FREM3: variants seen among roughly 807,000 people sequenced by gnomAD.
FREM3 encodes FRAS1 related extracellular matrix 3, also known as FRAS1-related extracellular matrix protein 3.
Under a neutral mutation model 129.1 loss-of-function variants are expected in FREM3, and 105 were observed. The observed-to-expected ratio is 0.81, with a 90% CI of 0.69 to 0.96. The LOEUF (loss-of-function observed/expected upper bound fraction) is 0.96. Ranked by LOEUF, FREM3 falls within the 40% of genes least tolerant of loss-of-function variation. The pLI, the probability that FREM3 is intolerant of heterozygous loss-of-function variation, is 0.00. For missense variants in FREM3, 2,593 were observed against 2,666.3 expected (o/e 0.97, Z 0.61); for synonymous variants, 1,014 against 1,044.9 (o/e 0.97, Z 0.57).
At chr4:143,638,948 A>AACTTAGTCGATC (rs1441310566) in intron 2 of FREM3, among the ~76,000 whole-genome samples, 1 of 152,048 alleles carries the variant, frequency 6.6e-6, no homozygotes, top group Non-Finnish European at 1.5e-5. Context: ...CGATCTTGTG[A>AACTTAGTCGATC]TTGCTGTGTG....
Position 143,698,631 on chromosome 4 carries a change from G to T in FREM3, c.2045C>A (p.Pro682Gln). 5 of 1,537,804 alleles carry T rather than the reference G, an allele frequency of 3.3e-6. No homozygotes were observed. The South Asian group carries it at 5.9e-5, about 18-fold the overall frequency. ...LAFHVQDDHD[P>Q]PNLSKQHIFT... ...AATGTGCTGTTTGGAGAGATTGGGT[G>T]GGTCATGGTCATCCTGCACATGGAA... Residue 682 changes from proline (P) to glutamine (Q), a missense_variant, in exon 1 of 8, where the codon CCA becomes CAA. Coordinates refer to ENST00000329798, the MANE Select transcript of FREM3 (RefSeq NM_001168235.2).
chr4:143,590,171 T>C (rs892390325), intron 6 of FREM3, among the ~76,000 whole-genome samples: 10 of 152,178 alleles, frequency 6.6e-5, no homozygotes, highest in African/African-American at 2.4e-4. Context: ...TATACAATCA[T>C]GTCATCTGCA....
At chr4:143,639,766 C>T (rs969627724) in intron 2 of FREM3, among the ~76,000 whole-genome samples, 1 of 152,120 alleles carries the variant, frequency 6.6e-6, no homozygotes, top group Non-Finnish European at 1.5e-5. Flanking sequence ...TGCATATTAT[C>T]ACCAAGTCTT....
Position 143,696,424 on chromosome 4 carries a change from T to A in FREM3, c.4252A>T (p.Thr1418Ser). 6.5e-7 allele frequency: 1 copy of A among 1,537,568 alleles called. No individual in the cohort carries two copies. The highest frequency in any genetic ancestry group is 8.7e-7 in the Non-Finnish European group (1 of 1,146,924). The change falls in exon 1 of 8, where the codon ACC (threonine) becomes TCC (serine). Residue 1418 changes from threonine (T) to serine (S), a missense_variant. Thr to Ser is a moderately conservative substitution (Grantham distance 58). Around this residue, in one of 2 missense-constraint regions of FREM3, gnomAD observed 2,276 missense variants for 2,267.2 expected, o/e 1.00. Coordinates refer to ENST00000329798, the MANE Select transcript of FREM3 (RefSeq NM_001168235.2). ...AAGACGCTGTCTAAGTTGCCAATGG[T>A]GACATAGAAGTAGTGGTCTGTCAAA... is the stretch of plus-strand genomic sequence containing the variant. ...NTLTDHYFYVTIGNLDSVFPE... is the reference protein window; with the variant it reads ...NTLTDHYFYVSIGNLDSVFPE...
At chr4:143,624,435 A>G in intron 3 of FREM3, 97 bp from the exon 4 acceptor site, 1 of 713,916 alleles carries the variant, frequency 1.4e-6, no homozygotes, top group Non-Finnish European at 2.3e-6. Flanking sequence ...AGTAGATAAC[A>G]TAGAAATTGT....
In FREM3 at chr4:143,643,121, G is replaced by A. The variant is rs911759771; in HGVS notation, c.5276-15361C>T. Among the ~76,000 whole-genome samples, 6 of 152,090 alleles carry A rather than the reference G, an allele frequency of 3.9e-5. 1 individual carries two copies. Among genetic ancestry groups the A allele is most frequent in the Admixed American group, 3.9e-4 (6 of 15,256 alleles). ...TTATCAAAAAGACAAAAGTCAACAA[G>A]TGTTGGTGAGGATACAGAGAAAAAG... On this transcript the variant is annotated intron_variant, in intron 2 of 7. Transcript: ENST00000329798.
Position 143,585,754 on chromosome 4 carries a change from C to T in FREM3, c.6178+90G>A, listed in dbSNP as rs766301938. 6 of 1,323,080 alleles carry T rather than the reference C, an allele frequency of 4.5e-6. No homozygotes were observed. The highest frequency in any genetic ancestry group is 5.1e-6 in the Non-Finnish European group (5 of 984,204). 82.0% of individuals were successfully genotyped at this position (1,323,080 alleles called of 1,614,324 possible). A position where few individuals can be genotyped will look rare whatever the true frequency, so the allele number is the denominator to read the frequency against. ...GAAACTTTCATTCAGAGTCCATCAACAAAGACTAAGCATGCTTACACTTAA... is the reference window on the plus strand; with the variant it reads ...GAAACTTTCATTCAGAGTCCATCAATAAAGACTAAGCATGCTTACACTTAA... On this transcript the variant is annotated intron_variant, in intron 7 of 7. Coordinates refer to ENST00000329798, the MANE Select transcript of FREM3 (RefSeq NM_001168235.2). This position sits in a 1 kb window ranked among gnomAD's most constrained non-coding sequence, Gnocchi z 4.2.
At chr4:143,627,850 A>T in intron 2 of FREM3, 90 bp from the exon 3 acceptor site, 1 of 808,216 alleles carries the variant, frequency 1.2e-6, no homozygotes, top group Non-Finnish European at 1.9e-6. Context: ...TCTGAAACCA[A>T]GGGTTTCAAA....
chr4:143,664,994 C>A (rs1335544048), intron 2 of FREM3, among the ~76,000 whole-genome samples: 1 of 152,114 alleles, frequency 6.6e-6, no homozygotes, highest in East Asian at 1.9e-4. Context: ...TGTCTGTTAC[C>A]CCTTTCTTTG....
intron 6 of FREM3, among the ~76,000 whole-genome samples, chr4:143,593,284 G>A (rs1384903686): frequency 6.6e-6 from 1 of 152,216 alleles, no homozygotes; most frequent in Admixed American, 6.5e-5. Flanking sequence ...GTGAGGAGCT[G>A]CGTTCCTTTG....
At chr4:143,578,920 T>C (rs1738086202) in intron 7 of FREM3, among the ~76,000 whole-genome samples, 1 of 152,202 alleles carries the variant, frequency 6.6e-6, no homozygotes. Context: ...GAAATTTGAA[T>C]GAGGTCTGAG....
chr4:143,593,882 C>T (rs1385489283), intron 6 of FREM3, among the ~76,000 whole-genome samples: 3 of 152,236 alleles, frequency 2.0e-5, no homozygotes, highest in Admixed American at 6.5e-5. Context: ...GTGGGCTCTA[C>T]CCAGTTTGAG....
intron 7 of FREM3, among the ~76,000 whole-genome samples, chr4:143,580,747 AG>A (rs1738128020): frequency 6.6e-6 from 1 of 152,218 alleles, no homozygotes; most frequent in Non-Finnish European, 1.5e-5. Flanking sequence ...CAGTGGTAGC[AG>A]GCAGGCCTGT....
At chr4:143,665,785 T>G (rs1241129270) in intron 2 of FREM3, among the ~76,000 whole-genome samples, 1 of 152,162 alleles carries the variant, frequency 6.6e-6, no homozygotes, top group Non-Finnish European at 1.5e-5. Flanking sequence ...ATTGATTAAA[T>G]CAACCATGTT....
chr4:143,697,801 C>A lies in FREM3; in HGVS notation c.2875G>T (p.Val959Leu). Residue 959 changes from valine to leucine, a missense_variant, in exon 1 of 8, where the codon GTA becomes TTA. This residue lies in a region of FREM3 where 2,276 missense variants were observed against 2,267.2 expected (regional missense o/e 1.00). Coordinates refer to ENST00000329798, the MANE Select transcript of FREM3 (RefSeq NM_001168235.2). Reference sequence around the variant, plus strand: ...ATTTCAGTGGCTTTATTCTCTAGTACGTCTATAGAAACATCCAATAATGAA... The same window carrying A: ...ATTTCAGTGGCTTTATTCTCTAGTAAGTCTATAGAAACATCCAATAATGAA... ...SSSLLDVSID[V>L]LENKATEITM... 6.5e-7 allele frequency: 1 copy of A among 1,537,486 alleles called. No individual in the cohort carries two copies. The highest frequency in any genetic ancestry group is 8.7e-7 in the Non-Finnish European group (1 of 1,146,902).
intron 2 of FREM3, among the ~76,000 whole-genome samples, chr4:143,679,959 T>C (rs957863057): frequency 6.6e-6 from 1 of 152,186 alleles, no homozygotes; most frequent in Non-Finnish European, 1.5e-5. Flanking sequence ...TTCTGATGTA[T>C]GTATAAGCTA....
In FREM3 at chr4:143,627,596, C is replaced by G; in HGVS notation, c.5422+18G>C. 6.5e-7 allele frequency: 1 copy of G among 1,531,070 alleles called. No individual in the cohort carries two copies. The highest frequency in any genetic ancestry group is 8.8e-7 in the Non-Finnish European group (1 of 1,141,630). 94.8% of individuals were successfully genotyped at this position (1,531,070 alleles called of 1,614,324 possible). On this transcript the variant is annotated intron_variant, in intron 3 of 7. Transcript: ENST00000329798. ...GTTTCCATGACCTTTTACCAACAAC[C>G]AATCCAAAGTTACTTACTGATAAAT...
At chr4:143,615,696 T>C (rs2149840077) in intron 5 of FREM3, among the ~76,000 whole-genome samples, 1 of 140,372 alleles carries the variant, frequency 7.1e-6, no homozygotes, top group African/African-American at 2.7e-5. Context: ...GTAGGGAATA[T>C]CGTCAAGTGT....
intron 2 of FREM3, among the ~76,000 whole-genome samples, chr4:143,662,101 C>G (rs1739740467): frequency 6.6e-6 from 1 of 151,934 alleles, no homozygotes; most frequent in Non-Finnish European, 1.5e-5. Flanking sequence ...CAGTTCTGCT[C>G]TGATTTTAGT....
Sources: allele counts gnomAD v4.1 joint callset (sites outside exome capture counted in the v4.1 genomes callset), GRCh38; gene constraint gnomAD v4.1.1; regional missense constraint gnomAD v4.1.1; non-coding constraint Gnocchi (gnomAD v3.1); transcripts MANE v1.5; gene names NCBI Gene and HGNC (gene_info 2026-07-23, HGNC 2026-07-21).